The following TBC1D9 variants were observed in gnomAD, a reference collection of about 807,000 sequenced individuals.
TBC1D9 encodes TBC1 domain family member 9A.
In TBC1D9, 63 loss-of-function variants were observed where a neutral mutation model predicts 132.0. The ratio of observed to expected loss-of-function variants is 0.48; its 90% CI spans 0.39 to 0.59. The LOEUF (loss-of-function observed/expected upper bound fraction) is 0.59. TBC1D9 is among the 20% of genes least tolerant of loss of function. The pLI is 0.00. For synonymous variants in TBC1D9, 610 were observed against 609.9 expected (o/e 1.00, Z 0.00); for missense variants, 1,261 against 1,592.7 (o/e 0.79, Z 3.54).
chr4:140,700,560 C>T (rs1029402872), intron 2 of TBC1D9, among the ~76,000 whole-genome samples: 2 of 152,010 alleles, frequency 1.3e-5, no homozygotes, highest in Admixed American at 6.6e-5. Context: ...TGGCTCACAC[C>T]TGTAATCCTA....
intron 2 of TBC1D9, among the ~76,000 whole-genome samples, chr4:140,697,008 A>C (rs1311034798): frequency 1.3e-5 from 2 of 152,222 alleles, no homozygotes; most frequent in Non-Finnish European, 2.9e-5. Context: ...TTAAGGGAGA[A>C]GCTTCTGCTC....
chr4:140,638,372 T>G (rs1469800154), intron 15 of TBC1D9, among the ~76,000 whole-genome samples: 1 of 152,036 alleles, frequency 6.6e-6, no homozygotes, highest in African/African-American at 2.4e-5. Context: ...TAATACTTTC[T>G]TATTAAGAAT....
intron 3 of TBC1D9, 84 bp downstream of exon 3, chr4:140,686,260 T>C: frequency 1.1e-6 from 1 of 874,142 alleles, no homozygotes; most frequent in Non-Finnish European, 1.8e-6. Flanking sequence ...TATACAGGTA[T>C]GTTTTACTCA....
chr4:140,648,312 T>C (rs1578823607), intron 13 of TBC1D9, among the ~76,000 whole-genome samples: 1 of 152,156 alleles, frequency 6.6e-6, no homozygotes, highest in East Asian at 1.9e-4. Flanking sequence ...TATCTGAATG[T>C]TTCTGTGGCC....
At chr4:140,747,937 A>G (rs193037414) in intron 1 of TBC1D9, among the ~76,000 whole-genome samples, 150 of 152,350 alleles carry the variant, frequency 9.8e-4, no homozygotes, top group African/African-American at 3.5e-3. Context: ...AACTGGCAGA[A>G]AAAATTTTTC....
In TBC1D9 at chr4:140,626,597, G is replaced by C. The variant is rs535857113; in HGVS notation, c.2899+844C>G. Among the ~76,000 whole-genome samples, 4 of 152,304 alleles carry C rather than the reference G, an allele frequency of 2.6e-5. No individual in the cohort carries two copies. The South Asian group carries it at 8.3e-4, about 32-fold the overall frequency. Reference sequence around the variant, plus strand: ...GGTGAGTTGATAAAGTTGACCTAATGATGAATTAGAAGGTAACTTACTGCA... The same window carrying C: ...GGTGAGTTGATAAAGTTGACCTAATCATGAATTAGAAGGTAACTTACTGCA... On this transcript the variant is annotated intron_variant, in intron 18 of 20. Coordinates refer to ENST00000442267, the MANE Select transcript of TBC1D9 (RefSeq NM_015130.3).
chr4:140,669,935 C>T (rs760972695), intron 7 of TBC1D9, 131 bp from the exon 8 acceptor site: 184 of 937,794 alleles, frequency 2.0e-4, no homozygotes, highest in Non-Finnish European at 2.6e-4. Context: ...TGTGAAGAAA[C>T]ACGAGAAAAG....
At chr4:140,742,548 A>C (rs1022533015) in intron 1 of TBC1D9, among the ~76,000 whole-genome samples, 30 of 151,582 alleles carry the variant, frequency 2.0e-4, no homozygotes, top group African/African-American at 7.2e-4. Context: ...AAAAAAAAAA[A>C]AAAAAAAAGA....
At position 140,657,098 on chromosome 4, in the gene TBC1D9, T is replaced by A; in HGVS notation, c.2336A>T (p.Glu779Val). 1 of 1,613,300 alleles carries A rather than the reference T, an allele frequency of 6.2e-7. No individual in the cohort carries two copies. Among genetic ancestry groups the A allele is most frequent in the Non-Finnish European group, 8.5e-7 (1 of 1,179,624 alleles). The change falls in exon 13 of 21, where the codon GAG becomes GTG. Residue 779 changes from glutamate (E) to valine (V), a missense_variant and splice_region_variant. Glu to Val is a moderately radical substitution (Grantham distance 121). Coordinates refer to ENST00000442267, the MANE Select transcript of TBC1D9 (RefSeq NM_015130.3). ...DIFRLIRTSY[E>V]KFGTIRADLI... is the part of the protein sequence containing the mutation. Reference sequence around the variant, plus strand: ...GCTCAGCCAGGAGACAAGACCTACCTCGTAGGAAGTTCTGATGAGTCTAAA... The same window carrying A: ...GCTCAGCCAGGAGACAAGACCTACCACGTAGGAAGTTCTGATGAGTCTAAA...
intron 13 of TBC1D9, among the ~76,000 whole-genome samples, chr4:140,640,876 C>CATATATATATGTGTGTGTGT (rs148362485): frequency 0.042 from 6,417 of 151,342 alleles, 450 homozygotes; most frequent in African/African-American, 0.15. Context: ...CCCCAAGAAG[C>CATATATATATGTGTGTGTGT]ATATACATAT....
At chr4:140,723,430 T>A (rs1163610147) in intron 1 of TBC1D9, among the ~76,000 whole-genome samples, 2 of 152,134 alleles carry the variant, frequency 1.3e-5, no homozygotes, top group Non-Finnish European at 2.9e-5. Context: ...GCCTCCTGGG[T>A]TCAAGTGATT....
intron 1 of TBC1D9, among the ~76,000 whole-genome samples, chr4:140,704,255 G>T (rs1282494835): frequency 6.6e-6 from 1 of 151,880 alleles, no homozygotes; most frequent in Non-Finnish European, 1.5e-5. Flanking sequence ...AAAAAAATTA[G>T]CCAGGCACAA....
At chr4:140,684,472 A>C (rs2111023044) in intron 3 of TBC1D9, among the ~76,000 whole-genome samples, 1 of 152,248 alleles carries the variant, frequency 6.6e-6, no homozygotes, top group South Asian at 2.1e-4. Flanking sequence ...ACATAACTGC[A>C]TTAATAGCAA....
chr4:140,687,823 C>T (rs910142216), intron 2 of TBC1D9, among the ~76,000 whole-genome samples: 3 of 152,232 alleles, frequency 2.0e-5, no homozygotes, highest in Admixed American at 6.5e-5. Flanking sequence ...CAGTGGCTCA[C>T]GACTGTAATC....
intron 18 of TBC1D9, among the ~76,000 whole-genome samples, chr4:140,626,063 G>A (rs1432422262): frequency 6.6e-6 from 1 of 152,198 alleles, no homozygotes; most frequent in Non-Finnish European, 1.5e-5. Flanking sequence ...TCTAAAACAA[G>A]AGAATCCCTT....
At chr4:140,673,362 G>T (rs1337531621) in intron 6 of TBC1D9, among the ~76,000 whole-genome samples, 2 of 151,990 alleles carry the variant, frequency 1.3e-5, no homozygotes, top group Non-Finnish European at 2.9e-5. Flanking sequence ...AACAATTCTT[G>T]GTCTATACAA....
chr4:140,661,765 T>C (rs1399204241), intron 10 of TBC1D9, 128 bp downstream of exon 10: 1 of 748,142 alleles, frequency 1.3e-6, no homozygotes, highest in Non-Finnish European at 2.2e-6. Context: ...GTGTCAACAG[T>C]GCCAAGGTTG....
intron 1 of TBC1D9, among the ~76,000 whole-genome samples, chr4:140,748,229 A>T (rs1046939848): frequency 6.6e-6 from 1 of 152,204 alleles, no homozygotes; most frequent in African/African-American, 2.4e-5. Flanking sequence ...TATTTAATTT[A>T]AAAAAATAAT....
At chr4:140,635,548 T>G (rs1469898337) in intron 15 of TBC1D9, among the ~76,000 whole-genome samples, 1 of 151,902 alleles carries the variant, frequency 6.6e-6, no homozygotes, top group Non-Finnish European at 1.5e-5. Context: ...TTCCCTAGGG[T>G]TTCTGAAAAA....
Sources: gnomAD v4.1 joint callset for allele counts (sites outside exome capture counted in the v4.1 genomes callset) on GRCh38, gnomAD v4.1.1 for gene constraint, MANE v1.5 for transcripts, NCBI Gene and HGNC (gene_info 2026-07-23, HGNC 2026-07-21) for gene names.